RP1L1: variants seen among roughly 807,000 people sequenced by gnomAD.
The protein encoded by RP1L1 is retinitis pigmentosa 1-like 1 protein.
Under a neutral mutation model 15.7 loss-of-function variants are expected in RP1L1, and 27 were observed. The ratio of observed to expected loss-of-function variants is 1.72; its 90% CI spans 1.27 to 2.38. The LOEUF is 2.38. Among genes scored for constraint, RP1L1 ranks in the 30% most tolerant of loss-of-function variants. The pLI, the probability that RP1L1 is intolerant of heterozygous loss-of-function variation, is 0.00. For synonymous variants in RP1L1, 1,813 were observed against 1,276.7 expected (o/e 1.42, Z -8.96); for missense variants, 4,798 against 3,075.9 (o/e 1.56, Z -13.24).
In RP1L1 at chr8:10,611,450, C is replaced by T. The variant is rs980939244; in HGVS notation, c.2648G>A (p.Gly883Glu). 6.4e-7 allele frequency: 1 copy of T among 1,571,300 alleles called. No individual in the cohort carries two copies. The highest frequency in any genetic ancestry group is 8.6e-7 in the Non-Finnish European group (1 of 1,160,776). ...TGSSHQSTARGPGGSPQEGTR... is the reference protein window; with the variant it reads ...TGSSHQSTAREPGGSPQEGTR... ...CCCCTCCTGCGGGCTCCCACCTGGC[C>T]CCCGGGCAGTGCTTTGGTGGCTGCT... is the stretch of plus-strand genomic sequence containing the variant. The change falls in exon 4 of 4, where the codon GGG becomes GAG. Residue 883 changes from glycine (G) to glutamate (E), a missense_variant. Transcript: ENST00000382483.
At chr8:10,634,556 C>T (rs371596340) in intron 1 of RP1L1, among the ~76,000 whole-genome samples, 7 of 152,168 alleles carry the variant, frequency 4.6e-5, no homozygotes, top group South Asian at 4.1e-4. Context: ...CATTTCCATC[C>T]GGGGACCACC....
intron 1 of RP1L1, among the ~76,000 whole-genome samples, chr8:10,636,605 G>A (rs1798333658): frequency 6.6e-6 from 1 of 152,126 alleles, no homozygotes; most frequent in Non-Finnish European, 1.5e-5. Context: ...AAGGCGTGGG[G>A]GCAACAGGAA....
Position 10,622,995 on chromosome 8 carries a change from G to A in RP1L1, c.207C>T (p.Ser69=), listed in dbSNP as rs934027715. 3.1e-6 allele frequency: 5 copies of A among 1,614,170 alleles called. No homozygotes were observed. The highest frequency in any genetic ancestry group is 3.4e-6 in the Non-Finnish European group (4 of 1,180,032). ...KTFSALMDEL[S]QRVPLSFGVR... ...CCCCAAAGGAGAGAGGCACGCGCTG[G>A]GAGAGCTCGTCCATGAGGGCGCTGA... is the stretch of plus-strand genomic sequence containing the variant. Residue 69 remains serine (S), a synonymous_variant, in exon 2 of 4, where the codon TCC becomes TCT. Coordinates refer to ENST00000382483, the MANE Select transcript of RP1L1 (RefSeq NM_178857.6).
At chr8:10,618,929 C>G (rs1798015743) in intron 2 of RP1L1, among the ~76,000 whole-genome samples, 1 of 152,124 alleles carries the variant, frequency 6.6e-6, no homozygotes, top group African/African-American at 2.4e-5. Context: ...TGCAGTGGCG[C>G]AACCTCCACC....
At position 10,609,142 on chromosome 8, in the gene RP1L1, C is replaced by A; in HGVS notation, c.4956G>T (p.Glu1652Asp). The part of the protein sequence containing the change: ...ALGSQLGEEA[E>D]GEEFCPCEAC... ...CCTCGCAGGGACAGAACTCCTCCCCCTCCGCCTCCTCGCCCAGCTGGCTCC... is the reference window on the plus strand; with the variant it reads ...CCTCGCAGGGACAGAACTCCTCCCCATCCGCCTCCTCGCCCAGCTGGCTCC... The change falls in exon 4 of 4, where the codon GAG becomes GAT. Residue 1652 changes from glutamate (E) to aspartate (D), a missense_variant. By Grantham distance (45) the Glu-to-Asp change is conservative. Coordinates refer to ENST00000382483, the MANE Select transcript of RP1L1 (RefSeq NM_178857.6). 2 of 1,613,574 alleles carry A rather than the reference C, an allele frequency of 1.2e-6. No homozygotes were observed. The highest frequency in any genetic ancestry group is 1.7e-6 in the Non-Finnish European group (2 of 1,179,904).
intron 1 of RP1L1, among the ~76,000 whole-genome samples, chr8:10,635,168 G>A (rs936799904): frequency 2.0e-5 from 3 of 152,202 alleles, no homozygotes; most frequent in South Asian, 4.1e-4. Context: ...GCCACGGCAT[G>A]TCCTTGAGGA....
rs367775620 is a variant in RP1L1, at chr8:10,608,812, C to A, written c.5286G>T (p.Glu1762Asp). 6.2e-7 allele frequency: 1 copy of A among 1,614,102 alleles called. No individual in the cohort carries two copies. Among genetic ancestry groups the A allele is most frequent in the Non-Finnish European group, 8.5e-7 (1 of 1,180,060 alleles). ...CCTGAGCCATTGCATCTCCCTCTGC[C>A]TCCCCGAGTTTGGGATCTTTGTCTC... Reference protein sequence around the residue: ...LNRDKDPKLGEAEGDAMAQER... With the variant: ...LNRDKDPKLGDAEGDAMAQER... Residue 1762 changes from glutamate (E) to aspartate (D), a missense_variant, in exon 4 of 4, where the codon GAG (glutamate) becomes GAT (aspartate). By Grantham distance (45) the Glu-to-Asp change is conservative. Transcript: ENST00000382483.
In RP1L1 at chr8:10,608,131, T is replaced by C; in HGVS notation, c.5967A>G (p.Ala1989=). 6.2e-7 allele frequency: 1 copy of C among 1,610,228 alleles called. No individual in the cohort carries two copies. The highest frequency in any genetic ancestry group is 8.5e-7 in the Non-Finnish European group (1 of 1,178,868). Residue 1989 remains alanine, a synonymous_variant, in exon 4 of 4, where the codon GCA becomes GCG. Transcript: ENST00000382483. ...ALEVEVETQE[A]EGEAQPESED... ...CTGACTCTGGCTGGGCCTCCCCTTCTGCCTCCTGGGTCTCCACTTCAACCT... is the reference window on the plus strand; with the variant it reads ...CTGACTCTGGCTGGGCCTCCCCTTCCGCCTCCTGGGTCTCCACTTCAACCT...
rs370097226 is a variant in RP1L1, at chr8:10,612,235, C to T, written c.1863G>A (p.Ser621=). 2.8e-5 allele frequency: 45 copies of T among 1,613,220 alleles called. No individual in the cohort carries two copies. Among genetic ancestry groups the T allele is most frequent in the Admixed American group, 2.3e-4 (14 of 60,030 alleles). Residue 621 remains serine, a synonymous_variant, in exon 4 of 4, where the codon TCG becomes TCA. Coordinates refer to ENST00000382483, the MANE Select transcript of RP1L1 (RefSeq NM_178857.6). ...LVLGLSCSWD[S]EGASSTPSTC... The stretch of plus-strand genomic sequence containing the variant: ...TGGAAGGGGTGGAAGAGGCTCCTTC[C>T]GAGTCCCAGGAGCAGGAAAGGCCCA...
chr8:10,615,981 T>C (rs183099336), intron 3 of RP1L1, among the ~76,000 whole-genome samples: 2 of 152,296 alleles, frequency 1.3e-5, no homozygotes, highest in East Asian at 3.9e-4. Flanking sequence ...CACGGCTCAC[T>C]GCAGCCTCAA....
At chr8:10,632,455 C>T (rs957641286) in intron 1 of RP1L1, among the ~76,000 whole-genome samples, 3 of 152,226 alleles carry the variant, frequency 2.0e-5, no homozygotes, top group Non-Finnish European at 2.9e-5. Flanking sequence ...TTGATGTATA[C>T]AGATATCTCC....
intron 1 of RP1L1, among the ~76,000 whole-genome samples, chr8:10,638,136 C>T (rs1388097436): frequency 1.3e-5 from 2 of 152,256 alleles, no homozygotes; most frequent in African/African-American, 4.8e-5. Flanking sequence ...AGGCTTAATG[C>T]AGTATTTTGT....
At chr8:10,645,806 C>T (rs998544419) in intron 1 of RP1L1, among the ~76,000 whole-genome samples, 4 of 152,202 alleles carry the variant, frequency 2.6e-5, no homozygotes, top group Admixed American at 6.5e-5. Flanking sequence ...CAGAAGGACA[C>T]GCTCACCTAT....
At chr8:10,615,901 G>A (rs994490293) in intron 3 of RP1L1, among the ~76,000 whole-genome samples, 4 of 152,054 alleles carry the variant, frequency 2.6e-5, no homozygotes, top group African/African-American at 9.6e-5. Flanking sequence ...CTTAATCCCT[G>A]TTCCATTTAT....
chr8:10,625,019 A>G (rs1798134418), intron 1 of RP1L1, among the ~76,000 whole-genome samples: 1 of 152,166 alleles, frequency 6.6e-6, no homozygotes, highest in African/African-American at 2.4e-5. Context: ...TGTCCAGTGG[A>G]TGACAGGGGA....
chr8:10,637,797 T>G (rs1305314973), intron 1 of RP1L1, among the ~76,000 whole-genome samples: 1 of 151,772 alleles, frequency 6.6e-6, no homozygotes, highest in Non-Finnish European at 1.5e-5. Context: ...ACGGGGGAAG[T>G]AGGAAGAGAG....
intron 3 of RP1L1, 56 bp downstream of exon 3, chr8:10,616,390 C>CT: frequency 6.2e-7 from 1 of 1,611,750 alleles, no homozygotes; most frequent in Non-Finnish European, 8.5e-7. Context: ...CCACTCAGCC[C>CT]TACTGAACCA....
chr8:10,630,633 T>G (rs992803427), intron 1 of RP1L1, among the ~76,000 whole-genome samples: 2 of 152,242 alleles, frequency 1.3e-5, no homozygotes, highest in African/African-American at 4.8e-5. Context: ...GCCTCCTGCC[T>G]GGGCTCTGCC....
intron 1 of RP1L1, among the ~76,000 whole-genome samples, chr8:10,631,249 ACATGCACACACACGCACACAAACACG>A (rs1443923607): frequency 2.6e-5 from 4 of 151,648 alleles, no homozygotes; most frequent in East Asian, 1.9e-4. Flanking sequence ...ACACATGCAC[ACATGCACACACACGCACACAAACACG>A]CATGCACACA....
Sources: allele counts gnomAD v4.1 joint callset (sites outside exome capture counted in the v4.1 genomes callset), GRCh38; gene constraint gnomAD v4.1.1; transcripts MANE v1.5; gene names NCBI Gene and HGNC (gene_info 2026-07-23, HGNC 2026-07-21).